TMEM38B: variants seen among roughly 807,000 people sequenced by gnomAD.
The protein encoded by TMEM38B is transmembrane protein 38B.
Under a neutral mutation model 28.7 loss-of-function variants are expected in TMEM38B, and 24 were observed. The observed-to-expected ratio is 0.84, with a 90% CI of 0.61 to 1.18. TMEM38B has a LOEUF of 1.18. Ranked by LOEUF, TMEM38B falls within the 50% of genes most tolerant of loss-of-function variation. The pLI is 0.00. For synonymous variants in TMEM38B, 131 were observed against 127.7 expected (o/e 1.03, Z -0.17); for missense variants, 380 against 350.9 (o/e 1.08, Z -0.66).
At position 105,721,587 on chromosome 9, in the gene TMEM38B, A is replaced by G. The variant is rs1411076890; in HGVS notation, c.320A>G (p.Tyr107Cys). 1 of 1,613,462 alleles carries G rather than the reference A, an allele frequency of 6.2e-7. No homozygotes were observed. The highest frequency in any genetic ancestry group is 1.1e-5 in the South Asian group (1 of 90,980). Reference protein sequence around the residue: ...PHDLVSQGYSYLPVQLLASGM... With the variant: ...PHDLVSQGYSCLPVQLLASGM... ...GACCTAGTTTCCCAGGGCTATTCAT[A>G]TCTACCTGTTCAACTACTGGCTTCG... is the stretch of plus-strand genomic sequence containing the variant. The change falls in exon 3 of 6, where the codon TAT (tyrosine) becomes TGT (cysteine). Residue 107 changes from tyrosine (Y) to cysteine (C), a missense_variant. Tyr to Cys is a radical substitution (Grantham distance 194). Transcript: ENST00000374692.
chr9:105,733,421 C>CTTTTTTTTTTTTTTT (rs71306454), intron 4 of TMEM38B, among the ~76,000 whole-genome samples: 1 of 127,872 alleles, frequency 7.8e-6, no homozygotes, highest in African/African-American at 2.9e-5. Flanking sequence ...TTTCTTTTTT[C>CTTTTTTTTTTTTTTT]TTTTTTTTTT....
Position 105,754,020 on chromosome 9 carries a change from T to G in TMEM38B, c.660+5830T>G, listed in dbSNP as rs116161638. ...AGAAAAGCAGGGTTGCAATCCTAGT[T>G]TCAGACAAAACAGACTTTAAAACTA... On this transcript the variant is annotated intron_variant, in intron 5 of 5. Coordinates refer to ENST00000374692, the MANE Select transcript of TMEM38B (RefSeq NM_018112.3). Among the ~76,000 whole-genome samples the G allele has an allele frequency of 7.4e-3, 1,120 of 152,202 alleles. 23 individuals are homozygous for G. Among genetic ancestry groups the G allele is most frequent in the African/African-American group, 0.025 (1,049 of 41,516 alleles).
chr9:105,717,624 A>G (rs532197140), intron 2 of TMEM38B, among the ~76,000 whole-genome samples: 6 of 151,550 alleles, frequency 4.0e-5, no homozygotes, highest in Admixed American at 2.0e-4. Context: ...TTTAACAACT[A>G]TATTGTTTAT....
intron 4 of TMEM38B, among the ~76,000 whole-genome samples, chr9:105,722,932 A>G (rs972765092): frequency 6.6e-6 from 1 of 152,216 alleles, no homozygotes; most frequent in East Asian, 1.9e-4. Context: ...CTACGTAGGA[A>G]TAGACTTCTC....
intron 4 of TMEM38B, among the ~76,000 whole-genome samples, chr9:105,735,978 C>A (rs899823266): frequency 2.6e-5 from 4 of 152,094 alleles, no homozygotes; most frequent in African/African-American, 9.7e-5. Flanking sequence ...GTGATCTTCC[C>A]CTCCTCAGCC....
chr9:105,725,168 C>T (rs1209515823), intron 4 of TMEM38B, among the ~76,000 whole-genome samples: 1 of 151,932 alleles, frequency 6.6e-6, no homozygotes, highest in Admixed American at 6.6e-5. Context: ...GAGGACTAAC[C>T]TGCTTAAAAT....
At chr9:105,761,877 A>G (rs996302298) in intron 5 of TMEM38B, among the ~76,000 whole-genome samples, 16 of 152,206 alleles carry the variant, frequency 1.1e-4, no homozygotes, top group African/African-American at 3.9e-4. Flanking sequence ...AAACATTTTT[A>G]TAAGTGTCAA....
chr9:105,749,027 T>C (rs1837544274), intron 5 of TMEM38B: 1 of 1,258,554 alleles, frequency 7.9e-7, no homozygotes. Context: ...TATAAATATG[T>C]GTCTTAGAAT....
intron 5 of TMEM38B, chr9:105,760,281 A>G (rs1837992904): frequency 1.0e-5 from 8 of 786,736 alleles, no homozygotes; most frequent in Middle Eastern, 7.1e-4. Flanking sequence ...GATGTGTGCT[A>G]TGCTGTGCTG....
At chr9:105,723,185 CTATT>C (rs1836382463) in intron 4 of TMEM38B, among the ~76,000 whole-genome samples, 1 of 152,064 alleles carries the variant, frequency 6.6e-6, no homozygotes, top group Non-Finnish European at 1.5e-5. Flanking sequence ...CCTTTTGCAT[CTATT>C]TAAGATAATC....
intron 5 of TMEM38B, among the ~76,000 whole-genome samples, chr9:105,755,633 T>A (rs902182985): frequency 2.6e-5 from 4 of 152,226 alleles, no homozygotes; most frequent in African/African-American, 9.6e-5. Context: ...TTGCTTTAAA[T>A]CTGTAAATTG....
intron 1 of TMEM38B, among the ~76,000 whole-genome samples, chr9:105,698,542 G>A (rs546607451): frequency 1.5e-4 from 23 of 151,708 alleles, no homozygotes; most frequent in African/African-American, 5.1e-4. Context: ...ACATTATTAC[G>A]TTTTTTAAAA....
intron 2 of TMEM38B, among the ~76,000 whole-genome samples, chr9:105,707,989 G>A (rs1461079467): frequency 1.3e-5 from 2 of 152,112 alleles, no homozygotes; most frequent in Admixed American, 1.3e-4. Context: ...CAAAAAGGAA[G>A]ATATCCAGAA....
At chr9:105,705,118 C>T (rs921495521) in intron 1 of TMEM38B, among the ~76,000 whole-genome samples, 6 of 152,128 alleles carry the variant, frequency 3.9e-5, no homozygotes, top group African/African-American at 1.4e-4. Context: ...TCCTAAGAAA[C>T]CTTTCACCTT....
intron 2 of TMEM38B, among the ~76,000 whole-genome samples, chr9:105,720,442 T>G (rs1836276054): frequency 6.6e-6 from 1 of 152,028 alleles, no homozygotes; most frequent in African/African-American, 2.4e-5. Flanking sequence ...TGAGCTGAGA[T>G]GTTAAAATAA....
chr9:105,759,331 C>T, intron 5 of TMEM38B: 2 of 989,896 alleles, frequency 2.0e-6, no homozygotes, highest in South Asian at 1.4e-5. Context: ...AATTTGAATT[C>T]CTTCAAATCA....
chr9:105,726,252 A>G (rs1836508308), intron 4 of TMEM38B, among the ~76,000 whole-genome samples: 1 of 152,096 alleles, frequency 6.6e-6, no homozygotes, highest in Non-Finnish European at 1.5e-5. Flanking sequence ...TAATATTTTT[A>G]CTTGATAAAC....
At chr9:105,766,609 G>A (rs1418451120) in intron 5 of TMEM38B, among the ~76,000 whole-genome samples, 1 of 151,806 alleles carries the variant, frequency 6.6e-6, no homozygotes, top group Non-Finnish European at 1.5e-5. Flanking sequence ...TTTTGATGAA[G>A]TTTACTTTAC....
chr9:105,725,535 G>A (rs1009824257), intron 4 of TMEM38B, among the ~76,000 whole-genome samples: 9 of 151,902 alleles, frequency 5.9e-5, no homozygotes, highest in Non-Finnish European at 1.3e-4. Context: ...TTATGTGAAT[G>A]TTATCAAGTA....
Sources: allele counts gnomAD v4.1 joint callset (sites outside exome capture counted in the v4.1 genomes callset), GRCh38; gene constraint gnomAD v4.1.1; transcripts MANE v1.5; gene names NCBI Gene and HGNC (gene_info 2026-07-23, HGNC 2026-07-21).